CNTNAP2: variants seen among roughly 807,000 people sequenced by gnomAD.
CNTNAP2 encodes the protein contactin-associated protein-like 2.
A neutral mutation model predicts 155.2 loss-of-function variants in CNTNAP2; 98 were observed. That is an observed-to-expected ratio of 0.63 (90% confidence interval 0.54 to 0.75). CNTNAP2 has a LOEUF of 0.75. CNTNAP2 is among the 30% of genes least tolerant of loss of function. CNTNAP2 has a pLI of 0.00. For synonymous variants in CNTNAP2, 651 were observed against 631.2 expected, an observed-to-expected ratio of 1.03 and a Z score of -0.47; for missense variants, 1,727 against 1,688.1, an observed-to-expected ratio of 1.02 and a Z score of -0.40.
intron 8 of CNTNAP2, among the ~76,000 whole-genome samples, chr7:147,184,855 A>C (rs1802531837): frequency 6.6e-6 from 1 of 152,222 alleles, no homozygotes; most frequent in African/African-American, 2.4e-5. Flanking sequence ...TGCTGAAAAC[A>C]ATTAACAATG....
At position 147,469,068 on chromosome 7, in the gene CNTNAP2, C is replaced by T. The variant is rs140128064; in HGVS notation, c.1671-16867C>T. Among the ~76,000 whole-genome samples, 154 of 152,200 alleles carry T rather than the reference C, an allele frequency of 1.0e-3. 1 individual carries two copies. Among genetic ancestry groups the T allele is most frequent in the Admixed American group, 1.8e-3 (27 of 15,288 alleles). ...GAACTCCCAGGCTCAAGTGATCCACCCACCTCAGCCTCCCAAAGTGCTGGG... is the reference window on the plus strand; with the variant it reads ...GAACTCCCAGGCTCAAGTGATCCACTCACCTCAGCCTCCCAAAGTGCTGGG... On this transcript the variant is annotated intron_variant, in intron 10 of 23. Coordinates refer to ENST00000361727, the MANE Select transcript of CNTNAP2 (RefSeq NM_014141.6).
chr7:147,929,885 A>T (rs992728158), intron 14 of CNTNAP2, among the ~76,000 whole-genome samples: 4 of 152,206 alleles, frequency 2.6e-5, no homozygotes, highest in Admixed American at 1.3e-4. Context: ...ATCAGGCATT[A>T]GTTAGAGTCT....
In CNTNAP2 at chr7:146,809,946, C is replaced by T. The variant is rs1803033874; in HGVS notation, c.209-29765C>T. 3.3e-5 allele frequency among the ~76,000 whole-genome samples: 5 copies of T among 151,966 alleles called. No homozygotes were observed. In the South Asian group the frequency reaches 1.0e-3, roughly 32 times the overall value. On this transcript the variant is annotated intron_variant, in intron 2 of 23. Transcript: ENST00000361727. ...CCAAGACCAATGGCAAGAAGCTTTT[C>T]CCCTAAGTTGTTTCCTAGTTGTGTT...
At chr7:148,388,390 C>T (rs543848410) in intron 22 of CNTNAP2, among the ~76,000 whole-genome samples, 6 of 148,450 alleles carry the variant, frequency 4.0e-5, no homozygotes, top group South Asian at 4.3e-4. Context: ...TGAGAACATG[C>T]GGTGTTTGGT....
chr7:147,808,289 G>A (rs913774562), intron 13 of CNTNAP2, among the ~76,000 whole-genome samples: 6 of 152,118 alleles, frequency 3.9e-5, no homozygotes, highest in African/African-American at 9.7e-5. Flanking sequence ...AAAGGGCAGC[G>A]TCACTTCTAT....
intron 3 of CNTNAP2, among the ~76,000 whole-genome samples, chr7:146,902,428 C>A (rs1197120576): frequency 6.6e-6 from 1 of 152,194 alleles, no homozygotes; most frequent in Non-Finnish European, 1.5e-5. Flanking sequence ...ACTTATATGA[C>A]ACTTGGGACA....
chr7:147,536,295 C>G (rs1180709439), intron 11 of CNTNAP2, among the ~76,000 whole-genome samples: 1 of 152,222 alleles, frequency 6.6e-6, no homozygotes. Flanking sequence ...CTATCACGCA[C>G]AGGGTGCTGC....
At chr7:147,715,988 C>T in intron 13 of CNTNAP2, among the ~76,000 whole-genome samples, 1 of 152,102 alleles carries the variant, frequency 6.6e-6, no homozygotes, top group East Asian at 1.9e-4. Flanking sequence ...ATTGCTTTTG[C>T]TCTATTTAAG....
At chr7:147,041,872 T>C (rs563035781) in intron 3 of CNTNAP2, among the ~76,000 whole-genome samples, 1 of 152,348 alleles carries the variant, frequency 6.6e-6, no homozygotes, top group African/African-American at 2.4e-5. Context: ...GATTAACCCA[T>C]ATCCAATTGT....
chr7:147,311,645 A>G (rs1011994527), intron 9 of CNTNAP2, among the ~76,000 whole-genome samples: 1 of 152,196 alleles, frequency 6.6e-6, no homozygotes, highest in Admixed American at 6.5e-5. Context: ...AATGCAATAC[A>G]TAAAGGTAGT....
At chr7:146,806,607 A>G (rs1288787315) in intron 2 of CNTNAP2, among the ~76,000 whole-genome samples, 2 of 152,198 alleles carry the variant, frequency 1.3e-5, no homozygotes, top group Admixed American at 1.3e-4. Context: ...TATTTATCAA[A>G]TACCTGTAGA....
chr7:148,390,185 G>T (rs1383832997), intron 22 of CNTNAP2, among the ~76,000 whole-genome samples: 1 of 152,218 alleles, frequency 6.6e-6, no homozygotes, highest in Non-Finnish European at 1.5e-5. Context: ...CTTGCAAAGA[G>T]ACCAGGCTCT....
intron 1 of CNTNAP2, among the ~76,000 whole-genome samples, chr7:146,542,464 G>A (rs1797966836): frequency 6.6e-6 from 1 of 151,878 alleles, no homozygotes; most frequent in Non-Finnish European, 1.5e-5. Context: ...CTAGACTTGT[G>A]TTCTAAAGAC....
intron 1 of CNTNAP2, among the ~76,000 whole-genome samples, chr7:146,379,485 A>G (rs1323644150): frequency 6.6e-6 from 1 of 151,974 alleles, no homozygotes; most frequent in Admixed American, 6.6e-5. Flanking sequence ...CTCTAGAAAT[A>G]CTCTGTTATC....
rs180771378 is a variant in CNTNAP2, at chr7:147,015,795, G to A, written c.403-28112G>A. Among the ~76,000 whole-genome samples the A allele has an allele frequency of 1.1e-4, 17 of 151,952 alleles. No individual in the cohort carries two copies. The South Asian group carries it at 2.3e-3, about 20-fold the overall frequency. The stretch of plus-strand genomic sequence containing the variant: ...AAACTATCATGTTCTGTTCACATTC[G>A]TCACCATCAAACTTATATTCTATCT... On this transcript the variant is annotated intron_variant, in intron 3 of 23. Transcript: ENST00000361727.
chr7:148,019,161 G>A (rs1802233393), intron 15 of CNTNAP2, among the ~76,000 whole-genome samples: 1 of 152,134 alleles, frequency 6.6e-6, no homozygotes, highest in Admixed American at 6.5e-5. Flanking sequence ...ATTTTACAAA[G>A]AATTCCCACT....
intron 8 of CNTNAP2, among the ~76,000 whole-genome samples, chr7:147,248,764 G>T (rs1804121971): frequency 6.6e-6 from 1 of 152,224 alleles, no homozygotes; most frequent in Non-Finnish European, 1.5e-5. Flanking sequence ...TACAGAAGAT[G>T]AATTTTGAAT....
rs1165623647 is a variant in CNTNAP2 at position 146,721,151 on chromosome 7, C to CTATA, written c.98-53112_98-53109dup. Among the ~76,000 whole-genome samples, 251 of 129,556 alleles carry CTATA rather than the reference C, an allele frequency of 1.9e-3. 2 individuals are homozygous for CTATA. Among genetic ancestry groups the CTATA allele is most frequent in the East Asian group, 5.7e-3 (25 of 4,390 alleles). 85.0% of individuals were successfully genotyped at this position (129,556 alleles called of 152,430 possible). ...CCTATATATATTCTCTTTATATATT[C>CTATA]TATATATATATTCTCTCTATATATT... On this transcript the variant is annotated intron_variant, in intron 1 of 23. Transcript: ENST00000361727.
At chr7:146,388,696 C>G (rs1795496635) in intron 1 of CNTNAP2, among the ~76,000 whole-genome samples, 1 of 152,094 alleles carries the variant, frequency 6.6e-6, no homozygotes. Flanking sequence ...AATAGTAGGT[C>G]TTATTCATTC....
Sources: gnomAD v4.1 joint callset for allele counts (sites outside exome capture counted in the v4.1 genomes callset) on GRCh38, gnomAD v4.1.1 for gene constraint, MANE v1.5 for transcripts, NCBI Gene and HGNC (gene_info 2026-07-23, HGNC 2026-07-21) for gene names.